The following GPC5 variants were observed in gnomAD, a reference collection of about 807,000 sequenced individuals.
GPC5 encodes the protein glypican 5, also known as glypican-5.
A neutral mutation model predicts 53.9 loss-of-function variants in GPC5; 47 were observed. That is an observed-to-expected ratio of 0.87 (90% CI 0.69 to 1.11). The LOEUF (loss-of-function observed/expected upper bound fraction) is 1.11. GPC5 is among the 50% of genes most tolerant of loss of function. The pLI is 0.00. For missense variants in GPC5, 748 were observed against 713.1 expected, an observed-to-expected ratio of 1.05 and a Z score of -0.56; for synonymous variants, 286 against 263.3, an observed-to-expected ratio of 1.09 and a Z score of -0.84.
chr13:92,523,294 A>C (rs912224832), intron 7 of GPC5, among the ~76,000 whole-genome samples: 1 of 152,106 alleles, frequency 6.6e-6, no homozygotes, highest in African/African-American at 2.4e-5. Flanking sequence ...AAATTTGCTG[A>C]CATTTTCTGG....
At chr13:92,767,716 T>C (rs912304677) in intron 7 of GPC5, among the ~76,000 whole-genome samples, 7 of 152,176 alleles carry the variant, frequency 4.6e-5, no homozygotes, top group Non-Finnish European at 8.8e-5. Flanking sequence ...CATTTTCTAA[T>C]GAGGAAAGTA....
At chr13:92,590,182 GA>G (rs1160871234) in intron 7 of GPC5, among the ~76,000 whole-genome samples, 2 of 152,154 alleles carry the variant, frequency 1.3e-5, no homozygotes, top group African/African-American at 2.4e-5. Flanking sequence ...CTGCTGTAGT[GA>G]AAGTACCTCA....
intron 7 of GPC5, among the ~76,000 whole-genome samples, chr13:92,385,361 T>TAC (rs1463364328): frequency 1.2e-5 from 1 of 80,958 alleles, no homozygotes; most frequent in Non-Finnish European, 2.5e-5. Flanking sequence ...TATACATATA[T>TAC]ACATATATAT....
intron 7 of GPC5, among the ~76,000 whole-genome samples, chr13:92,561,991 T>A (rs1405028774): frequency 6.6e-6 from 1 of 152,068 alleles, no homozygotes; most frequent in East Asian, 1.9e-4. Flanking sequence ...TTTATATGAC[T>A]ATAAACTATC....
At chr13:92,431,463 G>C (rs1402617588) in intron 7 of GPC5, among the ~76,000 whole-genome samples, 2 of 147,700 alleles carry the variant, frequency 1.4e-5, no homozygotes, top group African/African-American at 5.0e-5. Flanking sequence ...CTAAATAGTT[G>C]AGGCAACTAG....
At chr13:92,227,222 G>T (rs929018816) in intron 7 of GPC5, among the ~76,000 whole-genome samples, 1 of 152,164 alleles carries the variant, frequency 6.6e-6, no homozygotes, top group South Asian at 2.1e-4. Context: ...GTGATTTAAT[G>T]TCTACAGATT....
chr13:92,797,838 TAG>T (rs1876745751), intron 7 of GPC5, among the ~76,000 whole-genome samples: 21 of 149,074 alleles, frequency 1.4e-4, no homozygotes, highest in Admixed American at 1.4e-3. Context: ...GATAGATAGA[TAG>T]ATAGATAGAT....
chr13:92,697,014 G>A (rs1887576264), intron 7 of GPC5, among the ~76,000 whole-genome samples: 1 of 152,006 alleles, frequency 6.6e-6, no homozygotes, highest in Non-Finnish European at 1.5e-5. Context: ...TTGTAGATGT[G>A]TGGCATGATT....
At chr13:92,664,640 G>A (rs1263490565) in intron 7 of GPC5, among the ~76,000 whole-genome samples, 1 of 152,066 alleles carries the variant, frequency 6.6e-6, no homozygotes, top group African/African-American at 2.4e-5. Flanking sequence ...AATTGAAACA[G>A]TAAGAATATC....
In GPC5 at chr13:91,863,379, ATC is replaced by A. The variant is rs145424419; in HGVS notation, c.1281-44556_1281-44555del. Among the ~76,000 whole-genome samples, 751 of 152,212 alleles carry A rather than the reference ATC, an allele frequency of 4.9e-3. 3 individuals carry two copies. The highest frequency in any genetic ancestry group is 0.017 in the African/African-American group (703 of 41,538). The stretch of plus-strand genomic sequence containing the variant: ...TCTCCTAAAGGGGAATAGGAATTTT[ATC>A]TGTTTCTTTATTCTTTTTTGTTTAT... On this transcript the variant is annotated intron_variant, in intron 5 of 7. Transcript: ENST00000377067.
intron 2 of GPC5, among the ~76,000 whole-genome samples, chr13:91,505,405 C>T (rs1320144914): frequency 2.6e-5 from 4 of 152,138 alleles, no homozygotes; most frequent in Admixed American, 2.6e-4. Context: ...AAACCCAATT[C>T]CACCATCTGC....
intron 7 of GPC5, among the ~76,000 whole-genome samples, chr13:92,791,953 A>G (rs1178932082): frequency 6.6e-6 from 1 of 152,118 alleles, no homozygotes; most frequent in Admixed American, 6.6e-5. Flanking sequence ...ACTTTTATAA[A>G]TAAAGCTGCA....
intron 5 of GPC5, among the ~76,000 whole-genome samples, chr13:91,881,573 T>C (rs116068594): frequency 1.1e-3 from 169 of 152,316 alleles, no homozygotes; most frequent in African/African-American, 3.9e-3. Context: ...AATGTGCATT[T>C]AGACCTTTAT....
At chr13:92,177,364 G>A (rs1376713690) in intron 7 of GPC5, among the ~76,000 whole-genome samples, 1 of 152,122 alleles carries the variant, frequency 6.6e-6, no homozygotes, top group Admixed American at 6.6e-5. Flanking sequence ...ATTTTCAAAG[G>A]TGTGTTAGCG....
intron 7 of GPC5, among the ~76,000 whole-genome samples, chr13:92,169,634 A>G (rs1467511123): frequency 1.3e-5 from 2 of 152,228 alleles, no homozygotes; most frequent in Non-Finnish European, 2.9e-5. Flanking sequence ...TTTTAAAAAT[A>G]AACTTTATAT....
At chr13:91,781,199 C>T (rs778993937) in intron 5 of GPC5, among the ~76,000 whole-genome samples, 1 of 152,206 alleles carries the variant, frequency 6.6e-6, no homozygotes, top group Non-Finnish European at 1.5e-5. Context: ...TCAGCTTGAT[C>T]TGCCACCGCC....
chr13:91,903,194 G>C (rs893484109), intron 5 of GPC5, among the ~76,000 whole-genome samples: 1 of 151,926 alleles, frequency 6.6e-6, no homozygotes, highest in Admixed American at 6.6e-5. Context: ...CATAGAATAT[G>C]TTCTGTATCT....
At chr13:91,967,150 A>G (rs1443745941) in intron 6 of GPC5, among the ~76,000 whole-genome samples, 1 of 152,176 alleles carries the variant, frequency 6.6e-6, no homozygotes, top group Non-Finnish European at 1.5e-5. Flanking sequence ...ACAAGAGTGA[A>G]TGAGAGAGAA....
intron 7 of GPC5, among the ~76,000 whole-genome samples, chr13:92,457,271 T>C (rs150841062): frequency 3.9e-5 from 6 of 152,284 alleles, no homozygotes; most frequent in Non-Finnish European, 8.8e-5. Context: ...GTTGATTCCA[T>C]GTCTTTGCTA....
Sources: gnomAD v4.1 joint callset for allele counts (sites outside exome capture counted in the v4.1 genomes callset) on GRCh38, gnomAD v4.1.1 for gene constraint, MANE v1.5 for transcripts, NCBI Gene and HGNC (gene_info 2026-07-23, HGNC 2026-07-21) for gene names.